Variants in CLVS1 observed in about 807,000 individuals in gnomAD.
CLVS1 encodes the protein clavesin 1.
In CLVS1, 10 loss-of-function variants were observed where a neutral mutation model predicts 33.1. The observed-to-expected ratio is 0.30, with a 90% CI of 0.19 to 0.51. The LOEUF (loss-of-function observed/expected upper bound fraction) is 0.51, where lower values mean the gene tolerates loss of function less well. Ranked by LOEUF, CLVS1 falls within the 20% of genes least tolerant of loss-of-function variation. The pLI is 0.97. For missense variants in CLVS1, 343 were observed against 433.4 expected (o/e 0.79, Z 1.85); for synonymous variants, 163 against 166.1 (o/e 0.98, Z 0.14).
chr8:61,029,714 C>T, the CLVS1 span, among the ~76,000 whole-genome samples: 4 of 151,940 alleles, frequency 2.6e-5, no homozygotes, highest in African/African-American at 4.8e-5. Context: ...CCAAGGTCTA[C>T]GTTAGGTATT....
intron 1 of CLVS1, among the ~76,000 whole-genome samples, chr8:61,059,833 A>G (rs1229044254): frequency 6.6e-6 from 1 of 151,816 alleles, no homozygotes; most frequent in Non-Finnish European, 1.5e-5. Flanking sequence ...TAGTGAACGT[A>G]TATTTATTCT....
At chr8:61,209,223 C>T (rs932371040) in intron 2 of CLVS1, among the ~76,000 whole-genome samples, 1 of 152,174 alleles carries the variant, frequency 6.6e-6, no homozygotes, top group African/African-American at 2.4e-5. Flanking sequence ...ATGTGTAAGG[C>T]AGGCTCAGGG....
At chr8:61,016,670 T>A in the CLVS1 span, among the ~76,000 whole-genome samples, 7 of 152,150 alleles carry the variant, frequency 4.6e-5, no homozygotes, top group African/African-American at 7.2e-5. Context: ...TGTGCATACA[T>A]AAGAGTGGAA....
At chr8:61,184,976 A>T (rs1807314066) in intron 2 of CLVS1, among the ~76,000 whole-genome samples, 1 of 152,212 alleles carries the variant, frequency 6.6e-6, no homozygotes, top group Non-Finnish European at 1.5e-5. Flanking sequence ...TTTCGTGAAT[A>T]TATGTGTGTA....
At position 61,288,190 on chromosome 8, in the gene CLVS1, T is replaced by TC. The variant is rs1454417389; in HGVS notation, c.-152+57dup. ...TGTATTTGCCGAGCCTCCCCGCCTT[T>TC]CCCCCGCTCTTTCGATGCCATGGCT... On this transcript the variant is annotated intron_variant, in intron 1 of 5. Coordinates refer to ENST00000325897, the MANE Select transcript of CLVS1 (RefSeq NM_173519.3). 1.1e-5 allele frequency: 5 copies of TC among 456,262 alleles called. No individual in the cohort carries two copies. The Admixed American group carries it at 1.2e-4, about 11-fold the overall frequency. 28.3% of individuals were successfully genotyped at this position (456,262 alleles called of 1,614,324 possible). A position where few individuals can be genotyped will look rare whatever the true frequency, so the allele number is the denominator to read the frequency against.
At chr8:61,307,573 A>G (rs4033632) in intron 2 of CLVS1, among the ~76,000 whole-genome samples, 1 of 152,210 alleles carries the variant, frequency 6.6e-6, no homozygotes, top group Non-Finnish European at 1.5e-5. Flanking sequence ...ATAATATTGT[A>G]ATAAAATATT....
At chr8:61,116,079 A>AGAT (rs1180227234) in intron 1 of CLVS1, among the ~76,000 whole-genome samples, 2 of 151,546 alleles carry the variant, frequency 1.3e-5, no homozygotes, top group East Asian at 1.9e-4. Context: ...AACTGGTGTG[A>AGAT]GATGGTATCT....
At chr8:61,029,263 C>T in the CLVS1 span, among the ~76,000 whole-genome samples, 46 of 152,142 alleles carry the variant, frequency 3.0e-4, no homozygotes, top group Non-Finnish European at 6.5e-4. Context: ...CTTGGCTTTC[C>T]GGCAGCCGTG....
chr8:61,256,370 G>A (rs532630517), intron 2 of CLVS1, among the ~76,000 whole-genome samples: 6 of 152,192 alleles, frequency 3.9e-5, no homozygotes, highest in South Asian at 2.1e-4. Flanking sequence ...AAAATTAGCC[G>A]GGCGTGGTGG....
intron 2 of CLVS1, among the ~76,000 whole-genome samples, chr8:61,312,292 C>T (rs1445494474): frequency 1.3e-5 from 2 of 152,216 alleles, no homozygotes; most frequent in African/African-American, 4.8e-5. Context: ...ATATACAGAA[C>T]CTTAAACAGC....
intron 2 of CLVS1, chr8:61,203,036 A>G: frequency 1.5e-6 from 2 of 1,320,470 alleles, no homozygotes; most frequent in Non-Finnish European, 2.2e-6. Flanking sequence ...AAAAAACAGG[A>G]AAAAAACTCC....
intron 3 of CLVS1, among the ~76,000 whole-genome samples, chr8:61,412,780 TG>T (rs1815283118): frequency 6.6e-6 from 1 of 152,216 alleles, no homozygotes; most frequent in Non-Finnish European, 1.5e-5. Context: ...GGCTAAGACC[TG>T]GGTTTGAGTT....
In CLVS1 at chr8:61,255,093, G is replaced by T. The variant is rs186478340; in HGVS notation, c.-151-44584G>T. On this transcript the variant is annotated intron_variant, in intron 2 of 2. Coordinates refer to the CLVS1 transcript ENST00000522621. ...TTTGTATATTTTTTTAGGTAGGGTT[G>T]TAACATTCTGGGGATTCAATGAGAT... is the stretch of plus-strand genomic sequence containing the variant. Among the ~76,000 whole-genome samples the T allele has an allele frequency of 3.3e-5, 5 of 152,286 alleles. No individual in the cohort carries two copies. In the East Asian group the frequency reaches 9.7e-4, roughly 29 times the overall value.
At position 61,300,169 on chromosome 8, in the gene CLVS1, T is replaced by C. The variant is rs1369420228; in HGVS notation, c.342T>C (p.Asp114=). Reference sequence around the variant, plus strand: ...ACATGTTCAAAAACTTCAAGGCAGATGATCCCGGCATTAAGAGGGCTCTGA... The same window carrying C: ...ACATGTTCAAAAACTTCAAGGCAGACGATCCCGGCATTAAGAGGGCTCTGA... ...NLDMFKNFKA[D]DPGIKRALID... The change falls in exon 2 of 6, where the codon GAT becomes GAC. Residue 114 remains aspartate, a synonymous_variant. Coordinates refer to ENST00000325897, the MANE Select transcript of CLVS1 (RefSeq NM_173519.3). 16 of 1,613,934 alleles carry C rather than the reference T, an allele frequency of 9.9e-6. No homozygotes were observed. Among genetic ancestry groups the C allele is most frequent in the Admixed American group, 1.7e-5 (1 of 59,958 alleles).
At chr8:61,293,223 CAG>C (rs1213678769) in intron 1 of CLVS1, among the ~76,000 whole-genome samples, 1 of 152,158 alleles carries the variant, frequency 6.6e-6, no homozygotes, top group East Asian at 1.9e-4. Context: ...TCAGATAATT[CAG>C]AGTCTCCTCT....
In CLVS1 at chr8:61,164,508, A is replaced by G. The variant is rs75003720; in HGVS notation, c.-152+32648A>G. Among the ~76,000 whole-genome samples the G allele has an allele frequency of 7.3e-3, 1,116 of 152,194 alleles. 17 individuals are homozygous for G. Among genetic ancestry groups the G allele is most frequent in the African/African-American group, 0.026 (1,077 of 41,524 alleles). On this transcript the variant is annotated intron_variant, in intron 2 of 2. Coordinates refer to the CLVS1 transcript ENST00000522621. ...CTTGCCCCAACATCTGTCTGACAAC[A>G]TGGCCGCCCCCACATATCCCCATGT... is the stretch of plus-strand genomic sequence containing the variant.
the CLVS1 span, among the ~76,000 whole-genome samples, chr8:61,018,717 T>C: frequency 6.6e-6 from 1 of 152,226 alleles, no homozygotes; most frequent in Non-Finnish European, 1.5e-5. Context: ...ATCTTTGAGA[T>C]CAGGCGGCAT....
intron 3 of CLVS1, among the ~76,000 whole-genome samples, chr8:61,444,510 G>A (rs1264240005): frequency 2.0e-5 from 3 of 152,150 alleles, no homozygotes; most frequent in Admixed American, 2.0e-4. Context: ...TCTTTGGCTT[G>A]TTAATATGAT....
intron 3 of CLVS1, among the ~76,000 whole-genome samples, chr8:61,405,645 A>C (rs1358435090): frequency 6.6e-6 from 1 of 152,096 alleles, no homozygotes; most frequent in African/African-American, 2.4e-5. Flanking sequence ...CAAGGGCCAA[A>C]ATTTAATAAT....
Sources: gnomAD v4.1 joint callset for allele counts (sites outside exome capture counted in the v4.1 genomes callset) on GRCh38, gnomAD v4.1.1 for gene constraint, MANE v1.5 for transcripts, NCBI Gene and HGNC (gene_info 2026-07-23, HGNC 2026-07-21) for gene names.